PRKG1: variants seen among roughly 807,000 people sequenced by gnomAD.
PRKG1 encodes the protein cGMP-dependent protein kinase 1.
In PRKG1, 35 loss-of-function variants were observed where a neutral mutation model predicts 88.1. The observed-to-expected ratio is 0.40, with a 90% CI of 0.30 to 0.53. The LOEUF is 0.53. Among genes scored for constraint, PRKG1 ranks in the 20% least tolerant of loss-of-function variants. The pLI is 0.59. For missense variants in PRKG1, 540 were observed against 839.8 expected (o/e 0.64, Z 4.41); for synonymous variants, 303 against 292.5 (o/e 1.04, Z -0.37).
chr10:51,683,520 T>C (rs549320169), intron 3 of PRKG1, among the ~76,000 whole-genome samples: 2 of 152,172 alleles, frequency 1.3e-5, no homozygotes, highest in East Asian at 1.9e-4. Flanking sequence ...GGCAGGGAGA[T>C]AGAAGGAAGC....
intron 2 of PRKG1, among the ~76,000 whole-genome samples, chr10:51,309,266 C>A (rs1212186237): frequency 6.6e-6 from 1 of 152,056 alleles, no homozygotes; most frequent in Non-Finnish European, 1.5e-5. Context: ...TCATAAACTC[C>A]TATTGGATTA....
intron 2 of PRKG1, among the ~76,000 whole-genome samples, chr10:51,301,881 T>C (rs1254682198): frequency 6.6e-6 from 1 of 152,230 alleles, no homozygotes; most frequent in African/African-American, 2.4e-5. Flanking sequence ...AGCAAAGCAG[T>C]ATGAGCCGTG....
chr10:51,947,939 T>C (rs1358032062), intron 5 of PRKG1, among the ~76,000 whole-genome samples: 4 of 152,224 alleles, frequency 2.6e-5, no homozygotes, highest in Non-Finnish European at 5.9e-5. Context: ...GATGAGGGCA[T>C]GCACAAGACT....
intron 4 of PRKG1, among the ~76,000 whole-genome samples, chr10:51,861,680 A>C (rs1327714551): frequency 2.0e-5 from 3 of 152,230 alleles, no homozygotes; most frequent in Non-Finnish European, 2.9e-5. Context: ...CTTACTTTAA[A>C]AATAGAAATC....
At chr10:51,915,035 G>A (rs1892368) in intron 5 of PRKG1, among the ~76,000 whole-genome samples, 108,193 of 152,090 alleles carry the variant, frequency 0.71, 39,204 homozygotes, top group African/African-American at 0.86. Context: ...GGTTAATGTA[G>A]CCAACTTACT....
At chr10:52,022,244 G>A (rs1490868796) in intron 5 of PRKG1, among the ~76,000 whole-genome samples, 1 of 152,132 alleles carries the variant, frequency 6.6e-6, no homozygotes, top group Non-Finnish European at 1.5e-5. Context: ...TGCTTGGTAG[G>A]TTAGGTGTAT....
chr10:52,121,102 A>T (rs751754720), intron 7 of PRKG1, among the ~76,000 whole-genome samples: 7 of 151,810 alleles, frequency 4.6e-5, no homozygotes, highest in Non-Finnish European at 7.4e-5. Flanking sequence ...AGCCATATTT[A>T]CTCCTGGGGT....
intron 7 of PRKG1, among the ~76,000 whole-genome samples, chr10:52,073,385 A>G (rs1039108692): frequency 2.6e-5 from 4 of 152,150 alleles, no homozygotes; most frequent in Admixed American, 6.5e-5. Context: ...GCGTCATGCC[A>G]CTTTTCTCCT....
intron 2 of PRKG1, among the ~76,000 whole-genome samples, chr10:51,173,554 T>C (rs918609527): frequency 3.3e-5 from 5 of 151,888 alleles, no homozygotes; most frequent in African/African-American, 1.2e-4. Flanking sequence ...AGATAATTTA[T>C]TGAGCTAATC....
intron 3 of PRKG1, among the ~76,000 whole-genome samples, chr10:51,667,096 A>G (rs537635792): frequency 6.6e-6 from 1 of 152,286 alleles, no homozygotes; most frequent in Non-Finnish European, 1.5e-5. Flanking sequence ...TCTATTATTG[A>G]CAAAAATAAT....
Position 51,172,799 on chromosome 10 carries a change from A to C in PRKG1, c.478+19469A>C, listed in dbSNP as rs1837079270. 2.0e-5 allele frequency among the ~76,000 whole-genome samples: 3 copies of C among 152,134 alleles called. No homozygotes were observed. The South Asian group carries it at 6.2e-4, about 31-fold the overall frequency. On this transcript the variant is annotated intron_variant, in intron 2 of 17. Transcript: ENST00000373980. ...AACTTCTGTGCACATCTTCAGGCCTAGGTCTTTGAATCAAATATACATTCT... is the reference window on the plus strand; with the variant it reads ...AACTTCTGTGCACATCTTCAGGCCTCGGTCTTTGAATCAAATATACATTCT...
intron 9 of PRKG1, among the ~76,000 whole-genome samples, chr10:52,170,084 AAAT>A (rs971992742): frequency 3.9e-5 from 6 of 152,220 alleles, no homozygotes; most frequent in African/African-American, 1.4e-4. Context: ...GAACCTATAA[AAAT>A]AATAAATTAT....
chr10:52,076,441 C>A (rs1846631037), intron 7 of PRKG1, among the ~76,000 whole-genome samples: 1 of 152,138 alleles, frequency 6.6e-6, no homozygotes, highest in Admixed American at 6.5e-5. Context: ...CCTGTGATCC[C>A]AGCTGCTCAG....
chr10:51,159,188 C>T (rs960652917), intron 2 of PRKG1, among the ~76,000 whole-genome samples: 1 of 152,040 alleles, frequency 6.6e-6, no homozygotes, highest in Non-Finnish European at 1.5e-5. Flanking sequence ...TGAACATTGA[C>T]ATTCAAAGAG....
chr10:52,151,308 A>G (rs760866391), intron 8 of PRKG1, among the ~76,000 whole-genome samples: 1 of 152,116 alleles, frequency 6.6e-6, no homozygotes, highest in Non-Finnish European at 1.5e-5. Context: ...TAAGACGCTC[A>G]TTGTTGCCAT....
intron 1 of PRKG1, among the ~76,000 whole-genome samples, chr10:51,030,602 C>A (rs1472226592): frequency 6.6e-6 from 1 of 152,004 alleles, no homozygotes; most frequent in Non-Finnish European, 1.5e-5. Context: ...AAATGTGATC[C>A]CCAATTTTGG....
At chr10:52,274,455 C>A (rs928224804) in intron 12 of PRKG1, among the ~76,000 whole-genome samples, 8 of 151,536 alleles carry the variant, frequency 5.3e-5, no homozygotes, top group African/African-American at 1.7e-4. Context: ...GCTGTTAATT[C>A]ATTCCTTTTT....
chr10:52,070,065 A>C (rs2133283935), intron 7 of PRKG1, among the ~76,000 whole-genome samples: 1 of 152,266 alleles, frequency 6.6e-6, no homozygotes, highest in East Asian at 1.9e-4. Flanking sequence ...AATTACTCCT[A>C]CCAATCTTCT....
chr10:51,418,663 C>G lies in PRKG1; in HGVS notation c.479-49060C>G, dbSNP rs541086911. 8.5e-5 allele frequency among the ~76,000 whole-genome samples: 13 copies of G among 152,298 alleles called. No homozygotes were observed. The South Asian group carries it at 2.5e-3, about 29-fold the overall frequency. On this transcript the variant is annotated intron_variant, in intron 2 of 17. Coordinates refer to ENST00000373980, the MANE Select transcript of PRKG1 (RefSeq NM_006258.4). ...ATGAGAATGTAGCCAATAGCTGTTG[C>G]TATATGATGAGTGAGGCTGTTTAAC... is the stretch of plus-strand genomic sequence containing the variant.
Sources: gnomAD v4.1 joint callset for allele counts (sites outside exome capture counted in the v4.1 genomes callset) on GRCh38, gnomAD v4.1.1 for gene constraint, MANE v1.5 for transcripts, NCBI Gene and HGNC (gene_info 2026-07-23, HGNC 2026-07-21) for gene names.